The following SLC24A2 variants were observed in gnomAD, a reference collection of about 807,000 sequenced individuals.
The protein encoded by SLC24A2 is sodium/potassium/calcium exchanger 2.
Under a neutral mutation model 62.0 loss-of-function variants are expected in SLC24A2, and 36 were observed. The observed-to-expected ratio is 0.58, with a 90% confidence interval of 0.44 to 0.77. The LOEUF (loss-of-function observed/expected upper bound fraction) is 0.77, where lower values mean the gene tolerates loss of function less well. SLC24A2 is among the 30% of genes least tolerant of loss of function. The pLI, the probability that SLC24A2 is intolerant of heterozygous loss-of-function variation, is 0.00. For synonymous variants in SLC24A2, 358 were observed against 294.0 expected, an observed-to-expected ratio of 1.22 and a Z score of -2.23; for missense variants, 846 against 817.9, an observed-to-expected ratio of 1.03 and a Z score of -0.42.
At chr9:19,593,115 C>G (rs1182085180) in intron 5 of SLC24A2, among the ~76,000 whole-genome samples, 1 of 152,226 alleles carries the variant, frequency 6.6e-6, no homozygotes, top group Non-Finnish European at 1.5e-5. Flanking sequence ...GGAGACATCG[C>G]CTGCCAGGCA....
chr9:20,241,886 G>A, the SLC24A2 span, among the ~76,000 whole-genome samples: 1 of 152,122 alleles, frequency 6.6e-6, no homozygotes, highest in East Asian at 1.9e-4. Context: ...AACATCAATC[G>A]CCACCTTGTT....
chr9:19,515,971 TG>T lies in SLC24A2; in HGVS notation c.*181del. The T allele has an allele frequency of 1.3e-6, 1 of 752,594 alleles. No individual in the cohort carries two copies. The allele number at this position is 752,594 out of a possible 1,614,324, so 46.6% of individuals were successfully genotyped here. A position where few individuals can be genotyped will look rare whatever the true frequency, so the allele number is the denominator to read the frequency against. The stretch of plus-strand genomic sequence containing the variant: ...CATGAAGTCATTTCAGTAGGCAGGG[TG>T]GAAGCAGCCTGTGAAGTGAATGGGC... On this transcript the variant is annotated 3_prime_UTR_variant, in exon 11 of 11. Coordinates refer to ENST00000341998, the MANE Select transcript of SLC24A2 (RefSeq NM_020344.4).
the SLC24A2 span, among the ~76,000 whole-genome samples, chr9:19,889,588 C>T: frequency 1.3e-5 from 2 of 152,158 alleles, no homozygotes; most frequent in Non-Finnish European, 2.9e-5. Context: ...TGCTTCCAAA[C>T]CATTTTTCCT....
chr9:20,300,264 C>T, the SLC24A2 span, among the ~76,000 whole-genome samples: 8 of 152,278 alleles, frequency 5.3e-5, no homozygotes, highest in South Asian at 8.3e-4. Flanking sequence ...GTGTTAAAAA[C>T]AATCCAATTA....
At chr9:20,065,241 G>T in the SLC24A2 span, among the ~76,000 whole-genome samples, 7 of 152,334 alleles carry the variant, frequency 4.6e-5, no homozygotes, top group African/African-American at 1.7e-4. Context: ...CTCTGCGTAA[G>T]AGTGGGGTCT....
chr9:19,556,601 C>A (rs1010150430), intron 7 of SLC24A2, among the ~76,000 whole-genome samples: 1 of 152,146 alleles, frequency 6.6e-6, no homozygotes, highest in African/African-American at 2.4e-5. Context: ...CCAGTTGAGG[C>A]TTGATTCAGG....
the SLC24A2 span, among the ~76,000 whole-genome samples, chr9:19,965,583 C>T: frequency 6.6e-6 from 1 of 152,156 alleles, no homozygotes; most frequent in Non-Finnish European, 1.5e-5. Flanking sequence ...TTTAACCACC[C>T]GGTGACTCAA....
At chr9:19,878,689 A>G in the SLC24A2 span, among the ~76,000 whole-genome samples, 1 of 151,996 alleles carries the variant, frequency 6.6e-6, no homozygotes, top group Non-Finnish European at 1.5e-5. Flanking sequence ...TGCCCTGGCC[A>G]TGTAAGACCT....
At chr9:19,969,649 G>C in the SLC24A2 span, among the ~76,000 whole-genome samples, 1 of 152,164 alleles carries the variant, frequency 6.6e-6, no homozygotes, top group Non-Finnish European at 1.5e-5. Flanking sequence ...GGCTACAGTA[G>C]TAAGAAAAGA....
chr9:19,815,768 C>A, the SLC24A2 span, among the ~76,000 whole-genome samples: 1 of 151,996 alleles, frequency 6.6e-6, no homozygotes, highest in Non-Finnish European at 1.5e-5. Flanking sequence ...TTTTGTATCC[C>A]TAAGGATATA....
chr9:19,526,193 TTGTACTG>T (rs1436361423), intron 9 of SLC24A2, among the ~76,000 whole-genome samples: 1 of 152,246 alleles, frequency 6.6e-6, no homozygotes, highest in African/African-American at 2.4e-5. Context: ...CTTCATTTCT[TTGTACTG>T]TGTAATATTC....
the SLC24A2 span, among the ~76,000 whole-genome samples, chr9:19,854,867 T>A: frequency 3.3e-5 from 5 of 152,216 alleles, no homozygotes; most frequent in African/African-American, 7.2e-5. Flanking sequence ...GTCTTAATGA[T>A]CTGTCTAATA....
chr9:19,991,705 C>A, the SLC24A2 span, among the ~76,000 whole-genome samples: 15 of 152,284 alleles, frequency 9.9e-5, no homozygotes, highest in East Asian at 2.7e-3. Context: ...AATTTTCACT[C>A]ATTGTATGGG....
chr9:19,536,537 T>G (rs927755915), intron 8 of SLC24A2, among the ~76,000 whole-genome samples: 1 of 79,502 alleles, frequency 1.3e-5, no homozygotes, highest in Non-Finnish European at 2.4e-5. Flanking sequence ...GAACTCATCA[T>G]TTTTTATGGC....
chr9:19,794,882 A>AT, the SLC24A2 span, among the ~76,000 whole-genome samples: 1 of 151,926 alleles, frequency 6.6e-6, no homozygotes, highest in Non-Finnish European at 1.5e-5. Context: ...CTCAAAAAAA[A>AT]AAAAATAAAA....
chr9:19,538,227 C>A (rs1479775959), intron 8 of SLC24A2, among the ~76,000 whole-genome samples: 4 of 123,428 alleles, frequency 3.2e-5, no homozygotes, highest in Admixed American at 8.7e-5. Flanking sequence ...CTGGCCAGAA[C>A]TTCCAACACT....
intron 2 of SLC24A2, among the ~76,000 whole-genome samples, chr9:19,746,592 C>G (rs1405329830): frequency 6.6e-6 from 1 of 151,992 alleles, no homozygotes; most frequent in African/African-American, 2.4e-5. Context: ...CAATGGGAAG[C>G]TTTTAATTAT....
the SLC24A2 span, among the ~76,000 whole-genome samples, chr9:20,090,416 A>C: frequency 4.0e-4 from 61 of 152,308 alleles, no homozygotes; most frequent in African/African-American, 1.4e-3. Flanking sequence ...CCAGCACTCA[A>C]GTGGGAGAGG....
chr9:19,575,804 T>C (rs1835993437), intron 6 of SLC24A2, among the ~76,000 whole-genome samples: 1 of 152,140 alleles, frequency 6.6e-6, no homozygotes, highest in Non-Finnish European at 1.5e-5. Context: ...AAAAGACAAG[T>C]CAACATGTGA....
Sources: allele counts gnomAD v4.1 joint callset (sites outside exome capture counted in the v4.1 genomes callset), GRCh38; gene constraint gnomAD v4.1.1; transcripts MANE v1.5; gene names NCBI Gene and HGNC (gene_info 2026-07-23, HGNC 2026-07-21).